PCBP3: variants seen among roughly 807,000 people sequenced by gnomAD.
PCBP3 encodes poly(rC)-binding protein 3.
In PCBP3, 25 loss-of-function variants were observed where a neutral mutation model predicts 52.7. The ratio of observed to expected loss-of-function variants is 0.47; its 90% confidence interval spans 0.35 to 0.66. The LOEUF is 0.66. PCBP3 is among the 30% of genes least tolerant of loss of function. The pLI is 0.01. For synonymous variants in PCBP3, 162 were observed against 183.0 expected (o/e 0.89, Z 0.93); for missense variants, 391 against 490.3 (o/e 0.80, Z 1.91).
chr21:45,740,762 A>ATG (rs913171164), intron 3 of PCBP3, among the ~76,000 whole-genome samples: 1 of 151,688 alleles, frequency 6.6e-6, no homozygotes, highest in African/African-American at 2.4e-5. Context: ...AGGTGTGTGC[A>ATG]TGTGTGTGTG....
intron 2 of PCBP3, among the ~76,000 whole-genome samples, chr21:45,732,455 T>A (rs2085526310): frequency 6.6e-6 from 1 of 152,062 alleles, no homozygotes; most frequent in African/African-American, 2.4e-5. Context: ...AATGAGTAGA[T>A]TTTAGCTGCT....
chr21:45,745,387 T>C (rs2086753441), intron 3 of PCBP3, among the ~76,000 whole-genome samples: 1 of 152,202 alleles, frequency 6.6e-6, no homozygotes, highest in African/African-American at 2.4e-5. Flanking sequence ...GACATCAGCG[T>C]TCCTGGATGG....
intron 4 of PCBP3, among the ~76,000 whole-genome samples, chr21:45,780,934 G>C (rs544351057): frequency 6.6e-6 from 1 of 152,206 alleles, no homozygotes; most frequent in Non-Finnish European, 1.5e-5. Flanking sequence ...CACACTGACT[G>C]AGAAGGTGTC....
intron 4 of PCBP3, among the ~76,000 whole-genome samples, chr21:45,818,219 C>T (rs185566096): frequency 2.3e-3 from 348 of 152,162 alleles, no homozygotes; most frequent in African/African-American, 8.0e-3. Flanking sequence ...GACGGGGTTT[C>T]ACCTTGTTAG....
chr21:45,909,348 C>T lies in PCBP3; in HGVS notation c.340-7C>T, dbSNP rs924863383. 1 of 1,611,452 alleles carries T rather than the reference C, an allele frequency of 6.2e-7. No homozygotes were observed. Among genetic ancestry groups the T allele is most frequent in the Non-Finnish European group, 8.5e-7 (1 of 1,179,190 alleles). On this transcript the variant is annotated splice_polypyrimidine_tract_variant and splice_region_variant and intron_variant, in intron 9 of 17. Transcript: ENST00000681687. Reference sequence around the variant, plus strand: ...AAGTGCTGCCAACACACGTGTCTCTCCCCTAGGATATCATCAACTCCATGA... The same window carrying T: ...AAGTGCTGCCAACACACGTGTCTCTTCCCTAGGATATCATCAACTCCATGA...
chr21:45,650,180 G>GA (rs945048117), intron 1 of PCBP3, among the ~76,000 whole-genome samples: 14 of 151,260 alleles, frequency 9.3e-5, no homozygotes, highest in African/African-American at 3.2e-4. Flanking sequence ...AAAAACCAAA[G>GA]AAAAAAAATT....
At chr21:45,796,673 C>T (rs2091934230) in intron 4 of PCBP3, among the ~76,000 whole-genome samples, 1 of 151,818 alleles carries the variant, frequency 6.6e-6, no homozygotes, top group Non-Finnish European at 1.5e-5. Context: ...ATTTTTTCAC[C>T]TTTTGCACCA....
intron 5 of PCBP3, among the ~76,000 whole-genome samples, chr21:45,891,031 T>G (rs1267732859): frequency 6.6e-6 from 1 of 151,772 alleles, no homozygotes; most frequent in Non-Finnish European, 1.5e-5. Context: ...CTGAGGGGAA[T>G]GTAGATAATA....
At chr21:45,683,578 G>T (rs2081975654) in intron 2 of PCBP3, among the ~76,000 whole-genome samples, 1 of 152,168 alleles carries the variant, frequency 6.6e-6, no homozygotes. Flanking sequence ...TCAGGATAGA[G>T]TTTTCCAGGG....
chr21:45,907,699 C>T (rs2096244228), intron 9 of PCBP3, among the ~76,000 whole-genome samples: 1 of 151,410 alleles, frequency 6.6e-6, no homozygotes, highest in African/African-American at 2.4e-5. Context: ...AAGTGTGGCT[C>T]TGAATTCAGC....
chr21:45,927,517 G>C (rs1354382745), intron 13 of PCBP3, among the ~76,000 whole-genome samples: 2 of 150,412 alleles, frequency 1.3e-5, no homozygotes, highest in South Asian at 2.1e-4. Flanking sequence ...TGTGGAAATT[G>C]AGTCCAAACG....
At chr21:45,846,427 TTG>T (rs2093813156) in intron 4 of PCBP3, among the ~76,000 whole-genome samples, 2 of 150,160 alleles carry the variant, frequency 1.3e-5, no homozygotes, top group African/African-American at 5.0e-5. Flanking sequence ...AGTTTTTTGT[TTG>T]TTTTTTTTTT....
chr21:45,704,200 C>T lies in PCBP3; in HGVS notation c.-199-31192C>T, dbSNP rs948849573. Among the ~76,000 whole-genome samples the T allele has an allele frequency of 2.0e-5, 3 of 152,132 alleles. No individual in the cohort carries two copies. The highest frequency in any genetic ancestry group is 4.4e-5 in the Non-Finnish European group (3 of 68,018). ...GAGTGGGTGGTGGTGAAGGTCATAT[C>T]AGATGCTGGGGATGGCTCCAAGGAG... On this transcript the variant is annotated intron_variant, in intron 2 of 17. Coordinates refer to ENST00000681687, the MANE Select transcript of PCBP3 (RefSeq NM_001384156.1). This position sits in a 1 kb window ranked among gnomAD's most constrained non-coding sequence, Gnocchi z 4.1.
intron 4 of PCBP3, among the ~76,000 whole-genome samples, chr21:45,826,200 G>A (rs1429285374): frequency 6.6e-6 from 1 of 151,934 alleles, no homozygotes; most frequent in Non-Finnish European, 1.5e-5. Context: ...GGAGGTTGTG[G>A]TGAGCCGAGA....
chr21:45,809,843 A>G (rs1395267653), intron 4 of PCBP3, among the ~76,000 whole-genome samples: 1 of 152,216 alleles, frequency 6.6e-6, no homozygotes, highest in African/African-American at 2.4e-5. Context: ...CAAGCCTTGC[A>G]TACACACATC....
chr21:45,792,039 C>A (rs2091622116), intron 4 of PCBP3, among the ~76,000 whole-genome samples: 1 of 152,274 alleles, frequency 6.6e-6, no homozygotes, highest in African/African-American at 2.4e-5. Context: ...TGTGCTGGGA[C>A]CTCAAGGCAA....
intron 1 of PCBP3, among the ~76,000 whole-genome samples, chr21:45,655,416 A>C (rs748488582): frequency 6.6e-6 from 1 of 152,110 alleles, no homozygotes; most frequent in South Asian, 2.1e-4. Context: ...TGCACATTCT[A>C]TTCTCTCAAA....
At chr21:45,867,912 C>T (rs944983052) in intron 5 of PCBP3, among the ~76,000 whole-genome samples, 7 of 152,254 alleles carry the variant, frequency 4.6e-5, no homozygotes, top group African/African-American at 7.2e-5. Context: ...CCAGCGCCGT[C>T]GCACACACAG....
chr21:45,876,681 G>A (rs2095264966), intron 5 of PCBP3, among the ~76,000 whole-genome samples: 1 of 152,232 alleles, frequency 6.6e-6, no homozygotes, highest in South Asian at 2.1e-4. Context: ...AATCTGCCCT[G>A]TCATTTCCGC....
Sources: gnomAD v4.1 joint callset for allele counts (sites outside exome capture counted in the v4.1 genomes callset) on GRCh38, gnomAD v4.1.1 for gene constraint, Gnocchi (gnomAD v3.1) non-coding constraint, MANE v1.5 for transcripts, NCBI Gene and HGNC (gene_info 2026-07-23, HGNC 2026-07-21) for gene names.